NEK6: variants seen among roughly 807,000 people sequenced by gnomAD.
The protein encoded by NEK6 is serine/threonine-protein kinase Nek6.
In NEK6, 27 loss-of-function variants were observed where a neutral mutation model predicts 43.5. That is an observed-to-expected ratio of 0.62 (90% CI 0.46 to 0.86). NEK6 has a LOEUF of 0.86. NEK6 is among the 40% of genes least tolerant of loss of function. The pLI, the probability that NEK6 is intolerant of heterozygous loss-of-function variation, is 0.00. For missense variants in NEK6, 318 were observed against 414.4 expected (o/e 0.77, Z 2.02); for synonymous variants, 167 against 164.1 (o/e 1.02, Z -0.14).
rs548700407 is a variant in NEK6, at chr9:124,347,600, C to G, written c.718-109C>G. 3.2e-4 allele frequency: 201 copies of G among 628,274 alleles called. 1 individual carries two copies. The East Asian group carries it at 5.8e-3, about 18-fold the overall frequency. 38.9% of individuals were successfully genotyped at this position (628,274 alleles called of 1,614,324 possible). On this transcript the variant is annotated intron_variant, in intron 8 of 9. Transcript: ENST00000320246. ...GAAGTCCTGCTGGACTCGCCGCGGT[C>G]GGGACCAGAGAGAACCCATGCCCCA...
intron 1 of NEK6, among the ~76,000 whole-genome samples, chr9:124,301,333 C>T (rs1319454886): frequency 6.6e-6 from 1 of 152,212 alleles, no homozygotes; most frequent in African/African-American, 2.4e-5. Flanking sequence ...CAGCCCAAGC[C>T]CTGGAGGCTG....
chr9:124,345,084 A>T (rs1745449998), intron 8 of NEK6, among the ~76,000 whole-genome samples: 1 of 152,170 alleles, frequency 6.6e-6, no homozygotes, highest in South Asian at 2.1e-4. Context: ...GGTGGGGGCC[A>T]GGGCCCACCC....
chr9:124,312,606 C>T lies in NEK6; in HGVS notation c.188C>T (p.Thr63Ile), dbSNP rs923279115. ...CAGTTCAGCGAGGTGTACAAGGCCA[C>T]CTGCCTGCTGGACAGGAAGACAGTG... ...RGQFSEVYKA[T>I]CLLDRKTVAL... Residue 63 changes from threonine to isoleucine, a missense_variant, in exon 3 of 10, where the codon ACC (threonine) becomes ATC (isoleucine). Around this residue, in one of 2 missense-constraint regions of NEK6, gnomAD observed 239 missense variants for 344.4 expected, o/e 0.69. Coordinates refer to ENST00000320246, the MANE Select transcript of NEK6 (RefSeq NM_014397.6). 7 of 1,613,910 alleles carry T rather than the reference C, an allele frequency of 4.3e-6. No homozygotes were observed. Among genetic ancestry groups the T allele is most frequent in the Non-Finnish European group, 5.9e-6 (7 of 1,179,908 alleles).
chr9:124,285,042 C>A (rs1254037031), intron 1 of NEK6, among the ~76,000 whole-genome samples: 82 of 152,308 alleles, frequency 5.4e-4, no homozygotes, highest in Non-Finnish European at 4.4e-5. Context: ...CTTTAGAGAG[C>A]AGAGGAAAAC....
At chr9:124,273,234 C>T (rs1449509768) in intron 1 of NEK6, among the ~76,000 whole-genome samples, 2 of 152,176 alleles carry the variant, frequency 1.3e-5, no homozygotes, top group Non-Finnish European at 2.9e-5. Context: ...CGGCCTTATT[C>T]CACATCCACC....
chr9:124,273,825 A>G (rs991166700), intron 1 of NEK6, among the ~76,000 whole-genome samples: 1 of 152,076 alleles, frequency 6.6e-6, no homozygotes, highest in Non-Finnish European at 1.5e-5. Context: ...TTGTTGTTGT[A>G]TATTTGTAAA....
rs766229933 is a variant in NEK6, at chr9:124,321,512, C to T, written c.348C>T (p.Asn116=). ...ATTTGGACTCGTTTATCGAAGACAA[C>T]GAGCTGAACATTGTGCTGGAGTTGG... The part of the protein sequence containing the change: ...IKYLDSFIED[N]ELNIVLELAD... Residue 116 remains asparagine (N), a synonymous_variant, in exon 5 of 10, where the codon AAC becomes AAT. Coordinates refer to ENST00000320246, the MANE Select transcript of NEK6 (RefSeq NM_014397.6). 2.0e-5 allele frequency: 33 copies of T among 1,613,948 alleles called. No individual in the cohort carries two copies. Among genetic ancestry groups the T allele is most frequent in the South Asian group, 1.4e-4 (13 of 91,092 alleles).
chr9:124,322,579 A>G (rs970971277), intron 5 of NEK6, among the ~76,000 whole-genome samples: 1 of 152,134 alleles, frequency 6.6e-6, no homozygotes, highest in Non-Finnish European at 1.5e-5. Flanking sequence ...CCCAGGCCCA[A>G]ACCTTCAGCC....
Position 124,351,960 on chromosome 9 carries a change from G to A in NEK6, c.*1013G>A, listed in dbSNP as rs1285659614. 1 of 152,650 alleles carries A rather than the reference G, an allele frequency of 6.6e-6. No individual in the cohort carries two copies. Among genetic ancestry groups the A allele is most frequent in the Non-Finnish European group, 1.5e-5 (1 of 68,042 alleles). 9.5% of individuals were successfully genotyped at this position (152,650 alleles called of 1,614,324 possible). Reference sequence around the variant, plus strand: ...TCACCCTTCACAAACTGAAGTCCATGGACCACGGAAGTCGAGAATTAATGT... The same window carrying A: ...TCACCCTTCACAAACTGAAGTCCATAGACCACGGAAGTCGAGAATTAATGT... On this transcript the variant is annotated 3_prime_UTR_variant, in exon 10 of 10. Transcript: ENST00000320246.
At chr9:124,291,015 G>A (rs572103329) in intron 1 of NEK6, among the ~76,000 whole-genome samples, 1 of 152,314 alleles carries the variant, frequency 6.6e-6, no homozygotes, top group Non-Finnish European at 1.5e-5. Context: ...CCGCACCCTC[G>A]TTTTGGAGAA....
chr9:124,322,184 T>C (rs1362981051), intron 5 of NEK6, among the ~76,000 whole-genome samples: 1 of 152,106 alleles, frequency 6.6e-6, no homozygotes, highest in Non-Finnish European at 1.5e-5. Flanking sequence ...CCCAAGATGC[T>C]CTCCCCAGCC....
At chr9:124,294,525 G>T (rs1335113361) in intron 1 of NEK6, among the ~76,000 whole-genome samples, 1 of 152,058 alleles carries the variant, frequency 6.6e-6, no homozygotes, top group Non-Finnish European at 1.5e-5. Context: ...ATGAAGGAGG[G>T]TCGAGAGATC....
intron 7 of NEK6, among the ~76,000 whole-genome samples, chr9:124,330,886 G>A (rs998815177): frequency 5.3e-5 from 8 of 152,094 alleles, no homozygotes; most frequent in East Asian, 1.9e-4. Flanking sequence ...TCCCAGAGCC[G>A]CCCTCACTTC....
intron 7 of NEK6, 65 bp downstream of exon 7, chr9:124,327,510 A>G: frequency 8.1e-7 from 1 of 1,235,276 alleles, no homozygotes; most frequent in East Asian, 2.3e-5. Flanking sequence ...AGGGAGACGC[A>G]AACATTCTCC....
intron 4 of NEK6, among the ~76,000 whole-genome samples, chr9:124,315,032 G>A (rs1296736701): frequency 2.0e-5 from 3 of 152,236 alleles, no homozygotes; most frequent in African/African-American, 4.8e-5. Context: ...GCTGCCCGCC[G>A]AAGCCACAGC....
At chr9:124,320,088 G>A (rs1038929714) in intron 4 of NEK6, among the ~76,000 whole-genome samples, 1 of 152,368 alleles carries the variant, frequency 6.6e-6, no homozygotes, top group South Asian at 2.1e-4. Flanking sequence ...CAGGGTGCCT[G>A]GTTCCTCGCA....
At chr9:124,350,327 C>T (rs1052788807) in intron 9 of NEK6, among the ~76,000 whole-genome samples, 4 of 151,098 alleles carry the variant, frequency 2.6e-5, no homozygotes. Context: ...CACCTCGGGG[C>T]GGGAGCAGCC....
At chr9:124,307,204 G>T (rs557713266) in intron 2 of NEK6, among the ~76,000 whole-genome samples, 1 of 152,060 alleles carries the variant, frequency 6.6e-6, no homozygotes, top group African/African-American at 2.4e-5. Flanking sequence ...AGCGCAGGGT[G>T]GGGGGTGTTT....
intron 1 of NEK6, among the ~76,000 whole-genome samples, chr9:124,264,091 A>AAAGGTCTGCATGGC: frequency 6.6e-6 from 1 of 152,358 alleles, no homozygotes. Context: ...GTCCTCCTGA[A>AAAGGTCTGCATGGC]AAGGTCTGCA....
Sources: gnomAD v4.1 joint callset for allele counts (sites outside exome capture counted in the v4.1 genomes callset) on GRCh38, gnomAD v4.1.1 for gene constraint, gnomAD v4.1.1 regional missense constraint, MANE v1.5 for transcripts, NCBI Gene and HGNC (gene_info 2026-07-23, HGNC 2026-07-21) for gene names.